The following DPYD variants were observed in gnomAD, a reference collection of about 807,000 sequenced individuals.
DPYD encodes dihydropyrimidine dehydrogenase [NADP(+)].
In DPYD, 109 loss-of-function variants were observed where a neutral mutation model predicts 116.2. That is an observed-to-expected ratio of 0.94 (90% CI 0.80 to 1.10). DPYD has a LOEUF of 1.10. Ranked by LOEUF, DPYD falls within the 50% of genes least tolerant of loss-of-function variation. The pLI, the probability that DPYD is intolerant of heterozygous loss-of-function variation, is 0.00. For synonymous variants in DPYD, 440 were observed against 432.0 expected, an observed-to-expected ratio of 1.02 and a Z score of -0.23; for missense variants, 1,302 against 1,254.5, an observed-to-expected ratio of 1.04 and a Z score of -0.57.
At chr1:97,716,723 C>T (rs1267912037) in intron 5 of DPYD, among the ~76,000 whole-genome samples, 2 of 151,944 alleles carry the variant, frequency 1.3e-5, no homozygotes, top group Admixed American at 6.6e-5. Flanking sequence ...TTCTAAACTT[C>T]AACATTCATT....
intron 18 of DPYD, among the ~76,000 whole-genome samples, chr1:97,294,486 C>T (rs1291980471): frequency 6.6e-6 from 1 of 152,116 alleles, no homozygotes; most frequent in Non-Finnish European, 1.5e-5. Flanking sequence ...GAATTACTTA[C>T]TAGGCTTTTG....
intron 20 of DPYD, among the ~76,000 whole-genome samples, chr1:97,140,666 G>A (rs940244342): frequency 3.9e-5 from 6 of 152,074 alleles, no homozygotes; most frequent in African/African-American, 9.7e-5. Context: ...AATCACAGAC[G>A]ACCTAAGCAT....
intron 18 of DPYD, among the ~76,000 whole-genome samples, chr1:97,300,921 C>T (rs1000033633): frequency 6.6e-6 from 1 of 151,988 alleles, no homozygotes; most frequent in Non-Finnish European, 1.5e-5. Context: ...ACTTCTGGCC[C>T]TACACTGACG....
At chr1:97,385,149 C>G (rs879402956) in intron 14 of DPYD, among the ~76,000 whole-genome samples, 1 of 151,624 alleles carries the variant, frequency 6.6e-6, no homozygotes, top group African/African-American at 2.4e-5. Context: ...TCCGCCCTTT[C>G]CAAGTGATCT....
chr1:97,675,607 G>A (rs1326197877), intron 8 of DPYD, among the ~76,000 whole-genome samples: 2 of 152,050 alleles, frequency 1.3e-5, no homozygotes, highest in South Asian at 2.1e-4. Context: ...TTAATACAAT[G>A]GGCTTAATGA....
chr1:97,388,609 C>T (rs1275541497), intron 14 of DPYD, among the ~76,000 whole-genome samples: 1 of 151,994 alleles, frequency 6.6e-6, no homozygotes, highest in Non-Finnish European at 1.5e-5. Flanking sequence ...AGACAAAAAC[C>T]ATTCGTAACC....
At chr1:97,382,312 T>G in intron 15 of DPYD, 81 bp downstream of exon 15, 1 of 796,530 alleles carries the variant, frequency 1.3e-6, no homozygotes, top group African/African-American at 1.8e-5. Context: ...ACTGTATTAT[T>G]TCTCATGGCA....
chr1:97,830,171 C>T (rs1339569989), intron 2 of DPYD, among the ~76,000 whole-genome samples: 1 of 152,092 alleles, frequency 6.6e-6, no homozygotes, highest in Non-Finnish European at 1.5e-5. Context: ...GGGCTGGTTC[C>T]AAGTCTTTGC....
chr1:97,475,086 T>C (rs1677878215), intron 13 of DPYD, among the ~76,000 whole-genome samples: 1 of 152,104 alleles, frequency 6.6e-6, no homozygotes, highest in Non-Finnish European at 1.5e-5. Flanking sequence ...AAGAAGAAAC[T>C]GTAAGACCAA....
intron 13 of DPYD, among the ~76,000 whole-genome samples, chr1:97,492,179 C>T (rs1057238926): frequency 9.9e-5 from 15 of 152,100 alleles, no homozygotes; most frequent in African/African-American, 3.6e-4. Flanking sequence ...ACTCCAAGCC[C>T]TCATTGACTT....
intron 11 of DPYD, among the ~76,000 whole-genome samples, chr1:97,559,030 T>C (rs1651942393): frequency 6.6e-6 from 1 of 152,182 alleles, no homozygotes; most frequent in African/African-American, 2.4e-5. Context: ...TGCAAACTGC[T>C]TGAAGGAATA....
At chr1:97,712,333 A>G (rs1662334601) in intron 5 of DPYD, among the ~76,000 whole-genome samples, 1 of 152,034 alleles carries the variant, frequency 6.6e-6, no homozygotes, top group African/African-American at 2.4e-5. Flanking sequence ...TTATGCCTCT[A>G]TCCAGCCCAA....
At chr1:97,870,971 T>C (rs950827715) in intron 2 of DPYD, among the ~76,000 whole-genome samples, 1 of 151,894 alleles carries the variant, frequency 6.6e-6, no homozygotes, top group Non-Finnish European at 1.5e-5. Flanking sequence ...AAAACTCACA[T>C]ATTTATTTGC....
chr1:97,571,718 C>T (rs1652912547), intron 11 of DPYD, among the ~76,000 whole-genome samples: 1 of 151,850 alleles, frequency 6.6e-6, no homozygotes, highest in Non-Finnish European at 1.5e-5. Context: ...TCTCTTCTTA[C>T]CCAAATGGAC....
At chr1:97,382,370 A>C (rs1457395505) in intron 15 of DPYD, 23 bp downstream of exon 15, 1 of 1,466,736 alleles carries the variant, frequency 6.8e-7, no homozygotes, top group South Asian at 1.3e-5. Context: ...AATAAAATAA[A>C]TATATACTAA....
At chr1:97,755,678 G>T (rs753225239) in intron 3 of DPYD, among the ~76,000 whole-genome samples, 1 of 152,122 alleles carries the variant, frequency 6.6e-6, no homozygotes, top group East Asian at 1.9e-4. Context: ...AGGCAGTATG[G>T]TTTAATGGAT....
chr1:97,828,247 TG>T, intron 2 of DPYD, 51 bp from the exon 3 acceptor site: 2 of 1,555,548 alleles, frequency 1.3e-6, no homozygotes, highest in Non-Finnish European at 1.8e-6. Flanking sequence ...TGAGAAAAAT[TG>T]TATCTATGCA....
chr1:97,436,632 G>A (rs1675488537), intron 14 of DPYD, among the ~76,000 whole-genome samples: 1 of 151,954 alleles, frequency 6.6e-6, no homozygotes, highest in African/African-American at 2.4e-5. Context: ...CTTTTAAAAG[G>A]TTTGATGGAT....
intron 13 of DPYD, among the ~76,000 whole-genome samples, chr1:97,481,527 T>G (rs959842724): frequency 6.6e-5 from 10 of 152,094 alleles, no homozygotes; most frequent in Non-Finnish European, 1.2e-4. Flanking sequence ...ACCCAAGTGT[T>G]CATCAAAAAA....
Sources: gnomAD v4.1 joint callset for allele counts (sites outside exome capture counted in the v4.1 genomes callset) on GRCh38, gnomAD v4.1.1 for gene constraint, MANE v1.5 for transcripts, NCBI Gene and HGNC (gene_info 2026-07-23, HGNC 2026-07-21) for gene names.